Variants in EYS observed in about 807,000 individuals in gnomAD.
EYS encodes the protein protein eyes shut homolog.
In EYS, 250 loss-of-function variants were observed where a neutral mutation model predicts 282.1. That is an observed-to-expected ratio of 0.89 (90% CI 0.80 to 0.98). EYS has a LOEUF of 0.98. Among genes scored for constraint, EYS ranks in the 50% least tolerant of loss-of-function variants. The pLI, the probability that EYS is intolerant of heterozygous loss-of-function variation, is 0.00. For missense variants in EYS, 4,016 were observed against 3,709.0 expected, an observed-to-expected ratio of 1.08 and a Z score of -2.15; for synonymous variants, 1,355 against 1,282.9, an observed-to-expected ratio of 1.06 and a Z score of -1.20.
In EYS at chr6:63,900,910, C is replaced by T. The variant is rs76318727; in HGVS notation, c.7056-36552G>A. On this transcript the variant is annotated intron_variant, in intron 35 of 42. Transcript: ENST00000503581. ...TAAACAAATGGAAGAAAACAACAACCGTGAGGTGGAAAATAGAATCCAGAG... is the reference window on the plus strand; with the variant it reads ...TAAACAAATGGAAGAAAACAACAACTGTGAGGTGGAAAATAGAATCCAGAG... 3.3e-4 allele frequency among the ~76,000 whole-genome samples: 50 copies of T among 152,020 alleles called. No homozygotes were observed. The East Asian group carries it at 6.6e-3, about 20-fold the overall frequency.
chr6:63,772,514 A>T (rs1485363624), intron 40 of EYS, among the ~76,000 whole-genome samples: 3 of 152,130 alleles, frequency 2.0e-5, no homozygotes, highest in African/African-American at 7.2e-5. Context: ...AACAATATCA[A>T]TGTTACCACT....
intron 2 of EYS, among the ~76,000 whole-genome samples, chr6:65,567,735 G>C (rs34412399): frequency 0.14 from 21,309 of 151,988 alleles, 1,568 homozygotes; most frequent in South Asian, 0.19. Flanking sequence ...ATAAACCCTA[G>C]CGGATTTATA....
At chr6:64,725,302 C>T (rs1771715760) in intron 22 of EYS, among the ~76,000 whole-genome samples, 1 of 152,030 alleles carries the variant, frequency 6.6e-6, no homozygotes, top group Non-Finnish European at 1.5e-5. Context: ...ACATTTGATT[C>T]ATTCATTCAT....
At chr6:64,773,054 T>C (rs1362125767) in intron 22 of EYS, among the ~76,000 whole-genome samples, 1 of 151,834 alleles carries the variant, frequency 6.6e-6, no homozygotes, top group Non-Finnish European at 1.5e-5. Flanking sequence ...TCACAAAGAT[T>C]TGGTGTACAG....
chr6:64,489,110 T>C (rs1207369770), intron 26 of EYS, among the ~76,000 whole-genome samples: 3 of 150,950 alleles, frequency 2.0e-5, no homozygotes, highest in East Asian at 1.9e-4. Flanking sequence ...CCCAGCTTTC[T>C]GTTCTTTAGT....
intron 14 of EYS, among the ~76,000 whole-genome samples, chr6:64,990,110 G>T (rs1200797435): frequency 6.6e-6 from 1 of 151,296 alleles, no homozygotes; most frequent in Non-Finnish European, 1.5e-5. Context: ...CAAATGAGGT[G>T]GTTAGAAATA....
intron 7 of EYS, among the ~76,000 whole-genome samples, chr6:65,394,785 C>G (rs146131103): frequency 1.3e-5 from 2 of 152,120 alleles, no homozygotes; most frequent in African/African-American, 4.8e-5. Flanking sequence ...GAATCTCTTT[C>G]CTTTGACTGT....
intron 10 of EYS, among the ~76,000 whole-genome samples, chr6:65,340,932 C>A (rs1197226670): frequency 1.3e-5 from 2 of 151,096 alleles, no homozygotes; most frequent in Non-Finnish European, 3.0e-5. Context: ...TTCTCTCCAA[C>A]TGTGAAAGTG....
chr6:64,730,645 T>G (rs1771931693), intron 22 of EYS, among the ~76,000 whole-genome samples: 1 of 152,030 alleles, frequency 6.6e-6, no homozygotes. Context: ...GCCCAGCTAA[T>G]TTTTATATTT....
intron 12 of EYS, among the ~76,000 whole-genome samples, chr6:65,240,648 G>T (rs549400949): frequency 5.8e-4 from 89 of 152,140 alleles, no homozygotes; most frequent in African/African-American, 2.0e-3. Context: ...AGTATTCTGT[G>T]GTATATATCA....
intron 14 of EYS, among the ~76,000 whole-genome samples, chr6:64,996,260 C>G (rs1489082623): frequency 6.6e-6 from 1 of 152,028 alleles, no homozygotes; most frequent in Non-Finnish European, 1.5e-5. Context: ...TCAGGACACT[C>G]ACTAATAATA....
rs1562127721 is a variant in EYS at position 65,369,313 on chromosome 6, ATATTAT to A, written c.1299+15067_1299+15072del. 9.1e-3 allele frequency among the ~76,000 whole-genome samples: 525 copies of A among 57,892 alleles called. 6 individuals carry two copies. The highest frequency in any genetic ancestry group is 0.022 in the Middle Eastern group (3 of 134). 38.0% of individuals were successfully genotyped at this position (57,892 alleles called of 152,430 possible). ...ATATATATATTTATGTATAATATAT[ATATTAT>A]ATATATATATTTATATATATATATA... On this transcript the variant is annotated intron_variant, in intron 8 of 42. Coordinates refer to ENST00000503581, the MANE Select transcript of EYS (RefSeq NM_001142800.2).
chr6:65,435,570 T>C (rs1768044970), intron 5 of EYS, among the ~76,000 whole-genome samples: 1 of 152,022 alleles, frequency 6.6e-6, no homozygotes, highest in African/African-American at 2.4e-5. Context: ...TTTAACTGGG[T>C]GAAGGGCCCA....
chr6:64,892,600 T>C (rs1165266216), intron 18 of EYS, among the ~76,000 whole-genome samples: 1 of 152,050 alleles, frequency 6.6e-6, no homozygotes, highest in African/African-American at 2.4e-5. Flanking sequence ...TTACAATGAA[T>C]GACAATTTTT....
chr6:64,463,580 T>A (rs1430915088), intron 26 of EYS, among the ~76,000 whole-genome samples: 2 of 152,188 alleles, frequency 1.3e-5, no homozygotes, highest in East Asian at 3.9e-4. Context: ...TTTCAAATTT[T>A]GAAAGTTAGG....
At chr6:64,615,919 A>G (rs1767258993) in intron 24 of EYS, among the ~76,000 whole-genome samples, 3 of 152,012 alleles carry the variant, frequency 2.0e-5, no homozygotes, top group Admixed American at 2.0e-4. Context: ...ATTTTCCAAG[A>G]TGTTTCTATT....
intron 12 of EYS, among the ~76,000 whole-genome samples, chr6:65,095,162 A>C (rs1774703428): frequency 6.6e-6 from 1 of 151,372 alleles, no homozygotes; most frequent in Non-Finnish European, 1.5e-5. Context: ...TGATTAGGCC[A>C]ATAACGAAGA....
intron 33 of EYS, among the ~76,000 whole-genome samples, chr6:64,027,032 C>T (rs920333091): frequency 9.2e-5 from 14 of 152,130 alleles, no homozygotes; most frequent in African/African-American, 1.9e-4. Flanking sequence ...GAAAAGAATG[C>T]GGCTTTAGCT....
At chr6:64,303,518 A>ATG (rs1769310290) in intron 30 of EYS, among the ~76,000 whole-genome samples, 1 of 152,124 alleles carries the variant, frequency 6.6e-6, no homozygotes, top group Non-Finnish European at 1.5e-5. Flanking sequence ...AATAAACACA[A>ATG]ACCTTATTAG....
Sources: allele counts gnomAD v4.1 joint callset (sites outside exome capture counted in the v4.1 genomes callset), GRCh38; gene constraint gnomAD v4.1.1; transcripts MANE v1.5; gene names NCBI Gene and HGNC (gene_info 2026-07-23, HGNC 2026-07-21).